Variants in CNTN3 observed in about 807,000 individuals in gnomAD.
CNTN3 encodes the protein contactin-3.
Under a neutral mutation model 119.1 loss-of-function variants are expected in CNTN3, and 60 were observed. That is an observed-to-expected ratio of 0.50 (90% CI 0.41 to 0.62). The LOEUF (loss-of-function observed/expected upper bound fraction) is 0.62. Among genes scored for constraint, CNTN3 ranks in the 20% least tolerant of loss-of-function variants. The probability of loss-of-function intolerance (pLI) is 0.00; values close to 1 mark genes in which losing one functional copy is unlikely to be tolerated. For missense variants in CNTN3, 1,101 were observed against 1,242.4 expected, an observed-to-expected ratio of 0.89 and a Z score of 1.71; for synonymous variants, 450 against 438.7, an observed-to-expected ratio of 1.03 and a Z score of -0.32.
intron 1 of CNTN3, among the ~76,000 whole-genome samples, chr3:74,541,164 C>T (rs371079135): frequency 1.4e-4 from 21 of 152,236 alleles, no homozygotes; most frequent in East Asian, 1.2e-3. Flanking sequence ...TGTTGGAAAA[C>T]ATCGTGCCAT....
At chr3:74,596,372 T>A (rs1704810100) in intron 1 of CNTN3, among the ~76,000 whole-genome samples, 1 of 152,084 alleles carries the variant, frequency 6.6e-6, no homozygotes, top group African/African-American at 2.4e-5. Context: ...AGAGCCCACA[T>A]CACCAAGTCA....
intron 1 of CNTN3, among the ~76,000 whole-genome samples, chr3:74,590,121 T>C (rs909163339): frequency 1.3e-5 from 2 of 151,334 alleles, no homozygotes; most frequent in East Asian, 1.9e-4. Flanking sequence ...TAAAAAAAAG[T>C]ATAATAATAA....
intron 1 of CNTN3, among the ~76,000 whole-genome samples, chr3:74,577,437 A>G (rs1365097383): frequency 6.6e-6 from 1 of 152,156 alleles, no homozygotes; most frequent in African/African-American, 2.4e-5. Context: ...TGGGGGGGAA[A>G]AAGAATTAGA....
At position 74,365,690 on chromosome 3, in the gene CNTN3, C is replaced by A; in HGVS notation, c.959G>T (p.Trp320Leu). ...GRLTYYAKPHWVQLIKDVEIA... is the reference protein window; with the variant it reads ...GRLTYYAKPHLVQLIKDVEIA... ...TTCCACATCCTTTATGAGTTGAACC[C>A]AATGGGGCTTTGCTTCAATGAAAGA... is the stretch of plus-strand genomic sequence containing the variant. The change falls in exon 9 of 23, where the codon TGG (tryptophan) becomes TTG (leucine). Residue 320 changes from tryptophan (W) to leucine (L), a missense_variant. By Grantham distance (61) the Trp-to-Leu change is moderately conservative. Transcript: ENST00000263665. 6.2e-7 allele frequency: 1 copy of A among 1,609,264 alleles called. No individual in the cohort carries two copies. The highest frequency in any genetic ancestry group is 8.5e-7 in the Non-Finnish European group (1 of 1,177,560).
At chr3:74,336,686 A>C (rs1703403574) in intron 11 of CNTN3, 28 bp from the exon 12 acceptor site, 1 of 1,541,602 alleles carries the variant, frequency 6.5e-7, no homozygotes. Flanking sequence ...AAGATAAATA[A>C]ATATATAATA....
intron 1 of CNTN3, among the ~76,000 whole-genome samples, chr3:74,572,153 C>G (rs1379593092): frequency 1.3e-5 from 2 of 152,070 alleles, no homozygotes; most frequent in Non-Finnish European, 2.9e-5. Context: ...GGGAAGTAAG[C>G]CAGTAAGTTC....
At chr3:74,437,692 T>C (rs1211805959) in intron 4 of CNTN3, among the ~76,000 whole-genome samples, 1 of 150,428 alleles carries the variant, frequency 6.6e-6, no homozygotes, top group African/African-American at 2.4e-5. Flanking sequence ...TGTTTATATA[T>C]GTGTGTGTGT....
intron 1 of CNTN3, among the ~76,000 whole-genome samples, chr3:74,548,332 T>G (rs148607920): frequency 6.6e-6 from 1 of 152,154 alleles, no homozygotes; most frequent in Non-Finnish European, 1.5e-5. Context: ...GTTTTGATAG[T>G]TTTTGGTAAA....
intron 2 of CNTN3, 47 bp downstream of exon 2, chr3:74,521,011 G>T: frequency 8.8e-7 from 1 of 1,138,730 alleles, no homozygotes; most frequent in Non-Finnish European, 1.3e-6. Context: ...CATATGACTC[G>T]AGTATACTTC....
At chr3:74,359,243 T>A (rs1704022596) in intron 11 of CNTN3, among the ~76,000 whole-genome samples, 1 of 152,158 alleles carries the variant, frequency 6.6e-6, no homozygotes. Context: ...AACAAAAAAA[T>A]TCTTTTTCAG....
intron 5 of CNTN3, among the ~76,000 whole-genome samples, chr3:74,378,834 T>C (rs1704543236): frequency 1.3e-5 from 2 of 152,194 alleles, no homozygotes; most frequent in South Asian, 4.1e-4. Flanking sequence ...TCTTATTTTA[T>C]TTTTTCCCTT....
At chr3:74,375,547 C>A (rs920211212) in intron 5 of CNTN3, among the ~76,000 whole-genome samples, 1 of 152,004 alleles carries the variant, frequency 6.6e-6, no homozygotes, top group Non-Finnish European at 1.5e-5. Flanking sequence ...TCCAGATGGG[C>A]CTAATGTAAA....
chr3:74,479,274 T>A (rs1176575047), intron 4 of CNTN3, among the ~76,000 whole-genome samples: 1 of 119,818 alleles, frequency 8.3e-6, no homozygotes, highest in African/African-American at 4.0e-5. Context: ...ATTCGACCCA[T>A]AACAAATCAA....
chr3:74,512,193 G>A (rs536967512), intron 2 of CNTN3, among the ~76,000 whole-genome samples: 1 of 152,182 alleles, frequency 6.6e-6, no homozygotes, highest in African/African-American at 2.4e-5. Flanking sequence ...ACCTCTGACT[G>A]AGGAATCATA....
chr3:74,477,804 C>T (rs1056528248), intron 4 of CNTN3, among the ~76,000 whole-genome samples: 1 of 151,636 alleles, frequency 6.6e-6, no homozygotes, highest in African/African-American at 2.4e-5. Flanking sequence ...TCATATACCC[C>T]ATGAATATAT....
intron 1 of CNTN3, among the ~76,000 whole-genome samples, chr3:74,544,077 G>A (rs913510794): frequency 6.6e-6 from 1 of 152,196 alleles, no homozygotes; most frequent in African/African-American, 2.4e-5. Flanking sequence ...AGAAACTCCA[G>A]GAATGCAAGA....
At chr3:74,374,056 A>G (rs1411814173) in intron 5 of CNTN3, among the ~76,000 whole-genome samples, 3 of 152,094 alleles carry the variant, frequency 2.0e-5, no homozygotes, top group East Asian at 3.9e-4. Context: ...TACTGAACTG[A>G]ATGGAGGTGC....
At chr3:74,445,935 A>C (rs1034498675) in intron 4 of CNTN3, among the ~76,000 whole-genome samples, 1 of 152,216 alleles carries the variant, frequency 6.6e-6, no homozygotes, top group Non-Finnish European at 1.5e-5. Context: ...GGTATCATTC[A>C]CAGAAACAGT....
At position 74,340,811 on chromosome 3, in the gene CNTN3, A is replaced by G. The variant is rs1033086809; in HGVS notation, c.1365-4153T>C. On this transcript the variant is annotated intron_variant, in intron 11 of 22. Coordinates refer to ENST00000263665, the MANE Select transcript of CNTN3 (RefSeq NM_020872.3). ...AACAAAGTAAAAATGCCTCTTGTTGACTGAACATTATTGAACTTAAATTGA... is the reference window on the plus strand; with the variant it reads ...AACAAAGTAAAAATGCCTCTTGTTGGCTGAACATTATTGAACTTAAATTGA... 3.3e-5 allele frequency among the ~76,000 whole-genome samples: 5 copies of G among 152,146 alleles called. No homozygotes were observed. The East Asian group carries it at 5.8e-4, about 18-fold the overall frequency.
Sources: allele counts gnomAD v4.1 joint callset (sites outside exome capture counted in the v4.1 genomes callset), GRCh38; gene constraint gnomAD v4.1.1; transcripts MANE v1.5; gene names NCBI Gene and HGNC (gene_info 2026-07-23, HGNC 2026-07-21).